Variants in AJAP1 observed in about 807,000 individuals in gnomAD.
AJAP1 encodes adherens junction-associated protein 1.
In AJAP1, 5 loss-of-function variants were observed where a neutral mutation model predicts 35.0. The observed-to-expected ratio is 0.14, with a 90% CI of 0.07 to 0.30. AJAP1 has a LOEUF of 0.30. Ranked by LOEUF, AJAP1 falls within the 10% of genes least tolerant of loss-of-function variation. AJAP1 has a pLI of 1.00. For missense variants in AJAP1, 586 were observed against 571.0 expected, an observed-to-expected ratio of 1.03 and a Z score of -0.27; for synonymous variants, 284 against 249.3, an observed-to-expected ratio of 1.14 and a Z score of -1.31.
At position 4,782,860 on chromosome 1, in the gene AJAP1, G is replaced by A. The variant is rs1244683603; in HGVS notation, c.*375G>A. 4 of 398,494 alleles carry A rather than the reference G, an allele frequency of 1.0e-5. No homozygotes were observed. Among genetic ancestry groups the A allele is most frequent in the Non-Finnish European group, 1.8e-5 (4 of 226,088 alleles). 24.7% of individuals were successfully genotyped at this position (398,494 alleles called of 1,614,324 possible). On this transcript the variant is annotated 3_prime_UTR_variant, in exon 6 of 6. Transcript: ENST00000378191. This position sits in a 1 kb window ranked among gnomAD's most constrained non-coding sequence, Gnocchi z 5.3. ...ATCCGAAACCTAGGATTCGTCCTAC[G>A]ATTCTGAACCTGTGCCAATAATACC...
intron 1 of AJAP1, among the ~76,000 whole-genome samples, chr1:4,676,032 G>A (rs998331279): frequency 6.6e-6 from 1 of 152,182 alleles, no homozygotes; most frequent in Non-Finnish European, 1.5e-5. Flanking sequence ...GTGTCCTCGT[G>A]CAGGGACGGC....
chr1:4,669,910 T>G (rs991182381), intron 1 of AJAP1, among the ~76,000 whole-genome samples: 17 of 152,242 alleles, frequency 1.1e-4, no homozygotes, highest in African/African-American at 4.1e-4. Context: ...TCCCTGTTTT[T>G]GATCCTTTGA....
intron 1 of AJAP1, among the ~76,000 whole-genome samples, chr1:4,707,673 C>T (rs866924030): frequency 7.9e-5 from 12 of 152,126 alleles, no homozygotes; most frequent in African/African-American, 7.2e-5. Flanking sequence ...CTGACGGGCA[C>T]GTGAGCTGAG....
chr1:4,702,246 T>C (rs1396468509), intron 1 of AJAP1, among the ~76,000 whole-genome samples: 1 of 152,226 alleles, frequency 6.6e-6, no homozygotes, highest in African/African-American at 2.4e-5. Context: ...ACCTCGTTCC[T>C]GAGCAGAGAT....
chr1:4,774,262 C>T (rs1570227836), intron 4 of AJAP1, among the ~76,000 whole-genome samples, 165 bp from the exon 5 acceptor site: 1 of 152,198 alleles, frequency 6.6e-6, no homozygotes, highest in African/African-American at 2.4e-5. Flanking sequence ...CTTCTCCCAG[C>T]CACAGGGAAT....
At chr1:4,752,695 C>G (rs570445772) in intron 2 of AJAP1, among the ~76,000 whole-genome samples, 11 of 152,292 alleles carry the variant, frequency 7.2e-5, no homozygotes, top group African/African-American at 1.9e-4. Context: ...TGCATCTCTT[C>G]TGCCACAAAG....
At chr1:4,661,414 G>T (rs948673685) in intron 1 of AJAP1, among the ~76,000 whole-genome samples, 2 of 152,210 alleles carry the variant, frequency 1.3e-5, no homozygotes, top group South Asian at 4.1e-4. Flanking sequence ...TGCAAGGCAG[G>T]TATTATTGCT....
intron 2 of AJAP1, among the ~76,000 whole-genome samples, chr1:4,767,090 G>A (rs1641700825): frequency 6.6e-6 from 1 of 152,156 alleles, no homozygotes; most frequent in Admixed American, 6.5e-5. Flanking sequence ...CAGGAGAAGG[G>A]CCTCCAGGGC....
chr1:4,729,792 G>A (rs1314562421), intron 2 of AJAP1, among the ~76,000 whole-genome samples: 2 of 152,116 alleles, frequency 1.3e-5, no homozygotes, highest in African/African-American at 4.8e-5. Context: ...ATTCATTTGG[G>A]GGTGCATAAT....
intron 1 of AJAP1, among the ~76,000 whole-genome samples, chr1:4,705,933 C>T (rs982821209): frequency 1.3e-4 from 20 of 152,272 alleles, no homozygotes; most frequent in East Asian, 1.9e-4. Context: ...TGCACCATGA[C>T]GCTGTGGCAT....
Position 4,712,617 on chromosome 1 carries a change from G to C in AJAP1, c.747G>C (p.Gly249=), listed in dbSNP as rs1640288228. The C allele has an allele frequency of 6.3e-7, 1 of 1,592,898 alleles. No homozygotes were observed. ...ATCCCCGGAGAAGGATCCCAGGTGG[G>C]GTTAGCACAACGGAGCCTTCCACCA... is the stretch of plus-strand genomic sequence containing the variant. ...SLDPRRRIPG[G]VSTTEPSTSP... The change falls in exon 2 of 6, where the codon GGG becomes GGC. Residue 249 remains glycine, a synonymous_variant. Transcript: ENST00000378191.
At chr1:4,673,435 G>C (rs573868088) in intron 1 of AJAP1, among the ~76,000 whole-genome samples, 281 of 152,158 alleles carry the variant, frequency 1.8e-3, no homozygotes, top group Non-Finnish European at 3.3e-3. Flanking sequence ...CTTCTAACAA[G>C]AGCTCATGCT....
At position 4,772,293 on chromosome 1, in the gene AJAP1, G is replaced by A. The variant is rs567462755; in HGVS notation, c.931G>A (p.Gly311Arg). Reference sequence around the variant, plus strand: ...TTTCTCTTCCAGCTGTGCCCAAAGCGGGAACACTCGTCGGAACAGCCACCA... The same window carrying A: ...TTTCTCTTCCAGCTGTGCCCAAAGCAGGAACACTCGTCGGAACAGCCACCA... ...LVLKNCCAQS[G>R]NTRRNSHQRK... is the part of the protein sequence containing the mutation. The change falls in exon 4 of 6, where the codon GGG (glycine) becomes AGG (arginine). Residue 311 changes from glycine (G) to arginine (R), a missense_variant. Gly to Arg is a moderately radical substitution (Grantham distance 125, BLOSUM62 -2). Transcript: ENST00000378191. 28 of 1,614,022 alleles carry A rather than the reference G, an allele frequency of 1.7e-5. No individual in the cohort carries two copies. Among genetic ancestry groups the A allele is most frequent in the South Asian group, 1.2e-4 (11 of 91,060 alleles).
chr1:4,670,538 A>G (rs1639229042), intron 1 of AJAP1, among the ~76,000 whole-genome samples: 1 of 152,190 alleles, frequency 6.6e-6, no homozygotes, highest in Non-Finnish European at 1.5e-5. Flanking sequence ...CTTCCCTGGC[A>G]GTGACCTGGT....
chr1:4,721,177 A>C (rs1640507667), intron 2 of AJAP1, among the ~76,000 whole-genome samples: 1 of 152,222 alleles, frequency 6.6e-6, no homozygotes, highest in Non-Finnish European at 1.5e-5. Flanking sequence ...GGGGATCTGC[A>C]GCTGGGAGAA....
In AJAP1 at chr1:4,783,437, G is replaced by A. The variant is rs1446956916; in HGVS notation, c.*952G>A. 1.4e-5 allele frequency: 2 copies of A among 137,984 alleles called. No individual in the cohort carries two copies. The highest frequency in any genetic ancestry group is 3.0e-5 in the Non-Finnish European group (2 of 65,628). 8.5% of individuals were successfully genotyped at this position (137,984 alleles called of 1,614,324 possible). ...ATGTGTGACTTACTATCTTGGGCCAGAACTAAGAATGCCAAGGTTTTATAT... is the reference window on the plus strand; with the variant it reads ...ATGTGTGACTTACTATCTTGGGCCAAAACTAAGAATGCCAAGGTTTTATAT... On this transcript the variant is annotated 3_prime_UTR_variant, in exon 6 of 6. Coordinates refer to ENST00000378191, the MANE Select transcript of AJAP1 (RefSeq NM_018836.4).
intron 2 of AJAP1, among the ~76,000 whole-genome samples, chr1:4,732,711 G>A (rs1011640027): frequency 1.3e-5 from 2 of 152,240 alleles, no homozygotes; most frequent in East Asian, 1.9e-4. Flanking sequence ...GCCCTTCCGC[G>A]AGACCTGGGG....
intron 5 of AJAP1, among the ~76,000 whole-genome samples, chr1:4,776,872 C>T (rs145642623): frequency 0.01 from 1,567 of 152,280 alleles, 16 homozygotes; most frequent in African/African-American, 0.035. Flanking sequence ...GTAGGTCGTC[C>T]GCAGAGTTCA....
intron 2 of AJAP1, among the ~76,000 whole-genome samples, chr1:4,769,021 G>A (rs891530021): frequency 2.0e-5 from 3 of 152,160 alleles, no homozygotes; most frequent in Non-Finnish European, 4.4e-5. Flanking sequence ...TTCTGCCATC[G>A]TGCATGTGGG....
Sources: gnomAD v4.1 joint callset for allele counts (sites outside exome capture counted in the v4.1 genomes callset) on GRCh38, gnomAD v4.1.1 for gene constraint, Gnocchi (gnomAD v3.1) non-coding constraint, MANE v1.5 for transcripts, NCBI Gene and HGNC (gene_info 2026-07-23, HGNC 2026-07-21) for gene names.